The following DYNC2H1 variants were observed in gnomAD, a reference collection of about 807,000 sequenced individuals.
The protein encoded by DYNC2H1 is cytoplasmic dynein 2 heavy chain 1.
A neutral mutation model predicts 570.0 loss-of-function variants in DYNC2H1; 410 were observed. That is an observed-to-expected ratio of 0.72 (90% CI 0.66 to 0.78). The LOEUF (loss-of-function observed/expected upper bound fraction) is 0.78, where lower values mean the gene tolerates loss of function less well. Among genes scored for constraint, DYNC2H1 ranks in the 30% least tolerant of loss-of-function variants. The pLI is 0.00. For synonymous variants in DYNC2H1, 1,688 were observed against 1,677.6 expected (o/e 1.01, Z -0.15); for missense variants, 4,865 against 5,046.4 (o/e 0.96, Z 1.09).
rs569408386 is a variant in DYNC2H1, at chr11:103,353,297, A to AT, written c.12040-4938dup. ...TCTGCACATGTATCCCGAAACTTAA[A>AT]TTTTTTTTACAAAAAATGATTGTCT... On this transcript the variant is annotated intron_variant, in intron 82 of 88. Transcript: ENST00000375735. 1.2e-4 allele frequency among the ~76,000 whole-genome samples: 19 copies of AT among 152,160 alleles called. No individual in the cohort carries two copies. In the East Asian group the frequency reaches 3.5e-3, roughly 28 times the overall value.
At chr11:103,396,894 G>A (rs1412448745) in intron 83 of DYNC2H1, among the ~76,000 whole-genome samples, 24 of 152,118 alleles carry the variant, frequency 1.6e-4, no homozygotes, top group Admixed American at 1.6e-3. Context: ...AATACCACAT[G>A]TTCTGACTTA....
At chr11:103,364,521 G>C (rs989071142) in intron 83 of DYNC2H1, among the ~76,000 whole-genome samples, 2 of 150,440 alleles carry the variant, frequency 1.3e-5, no homozygotes, top group Non-Finnish European at 3.0e-5. Flanking sequence ...ACTGGTTCTT[G>C]GTATAATGAA....
At chr11:103,206,971 G>T (rs1862951820) in intron 52 of DYNC2H1, among the ~76,000 whole-genome samples, 1 of 152,040 alleles carries the variant, frequency 6.6e-6, no homozygotes, top group East Asian at 1.9e-4. Context: ...GCCCAGGCTG[G>T]AGTGTGGTTG....
chr11:103,251,214 A>C (rs1030407320), intron 65 of DYNC2H1, among the ~76,000 whole-genome samples: 1 of 152,100 alleles, frequency 6.6e-6, no homozygotes, highest in African/African-American at 2.4e-5. Context: ...TTAGATGCAT[A>C]CATTTTTGGA....
At chr11:103,156,982 C>G (rs899941400) in intron 26 of DYNC2H1, among the ~76,000 whole-genome samples, 5 of 152,190 alleles carry the variant, frequency 3.3e-5, no homozygotes, top group Admixed American at 3.3e-4. Context: ...TATTACCACT[C>G]TACCTAATAA....
At chr11:103,373,968 A>T (rs1281291983) in intron 83 of DYNC2H1, among the ~76,000 whole-genome samples, 2 of 152,138 alleles carry the variant, frequency 1.3e-5, no homozygotes, top group Non-Finnish European at 2.9e-5. Context: ...ATTATTTGTG[A>T]CTAAAAATCT....
At position 103,154,508 on chromosome 11, in the gene DYNC2H1, C is replaced by T. The variant is rs769399241; in HGVS notation, c.3360C>T (p.Ile1120=). 5 of 1,573,878 alleles carry T rather than the reference C, an allele frequency of 3.2e-6. No homozygotes were observed. The Admixed American group carries it at 7.5e-5, about 24-fold the overall frequency. ...EEPNFSLASS[I]SKDIESCAQI... Reference sequence around the variant, plus strand: ...CTAATTTCTCCCTGGCAAGTAGTATCTCTAAAGATATCGAGAGCTGTGCCC... The same window carrying T: ...CTAATTTCTCCCTGGCAAGTAGTATTTCTAAAGATATCGAGAGCTGTGCCC... Residue 1120 remains isoleucine, a synonymous_variant, in exon 23 of 89, where the codon ATC becomes ATT. Transcript: ENST00000375735.
rs1019094221 is a variant in DYNC2H1 at position 103,461,738 on chromosome 11, T to A, written c.12648+5382T>A. Reference sequence around the variant, plus strand: ...TTTGGTCTTCAAGGTTTTTTTTTTTTAATAATGTTTAATACTTTCTATTAT... The same window carrying A: ...TTTGGTCTTCAAGGTTTTTTTTTTTAAATAATGTTTAATACTTTCTATTAT... On this transcript the variant is annotated intron_variant, in intron 87 of 88. Transcript: ENST00000375735. This position sits in a 1 kb window ranked among gnomAD's most constrained non-coding sequence, Gnocchi z 4.8. Among the ~76,000 whole-genome samples the A allele has an allele frequency of 6.2e-5, 9 of 144,370 alleles. No individual in the cohort carries two copies. The highest frequency in any genetic ancestry group is 1.6e-4 in the African/African-American group (6 of 38,360). 94.7% of individuals were successfully genotyped at this position (144,370 alleles called of 152,430 possible).
At chr11:103,468,434 T>C (rs1945266607) in intron 87 of DYNC2H1, 155 bp from the exon 88 acceptor site, 2 of 556,506 alleles carry the variant, frequency 3.6e-6, no homozygotes, top group Non-Finnish European at 6.4e-6. Flanking sequence ...GTCCAGGCCT[T>C]ACTGACTTTA....
rs750027007 is a variant in DYNC2H1, at chr11:103,358,325, C to G, written c.12122C>G (p.Ser4041Cys). ...AGAGAAATCTGGTCTAATGAACTTTCTCCTGTCCTCAATCTCTGGAAGAAA... is the reference window on the plus strand; with the variant it reads ...AGAGAAATCTGGTCTAATGAACTTTGTCCTGTCCTCAATCTCTGGAAGAAA... Reference protein sequence around the residue: ...FDREIWSNELSPVLNLWKKLN... With the variant: ...FDREIWSNELCPVLNLWKKLN... Residue 4041 changes from serine to cysteine, a missense_variant, in exon 83 of 89, where the codon TCT becomes TGT. Physicochemically the swap from Ser to Cys is moderately radical, Grantham distance 112 (BLOSUM62 -1). Coordinates refer to ENST00000375735, the MANE Select transcript of DYNC2H1 (RefSeq NM_001377.3). The G allele has an allele frequency of 1.9e-6, 3 of 1,583,852 alleles. No homozygotes were observed. Among genetic ancestry groups the G allele is most frequent in the African/African-American group, 2.7e-5 (2 of 74,374 alleles).
chr11:103,200,291 A>G (rs532247713), intron 50 of DYNC2H1, 137 bp downstream of exon 50: 186 of 608,814 alleles, frequency 3.1e-4, no homozygotes, highest in Middle Eastern at 1.7e-3. Context: ...GGTGTTAAAC[A>G]TGCTCATGGC....
In DYNC2H1 at chr11:103,122,962, T is replaced by C; in HGVS notation, c.1623T>C (p.Asp541=). The stretch of plus-strand genomic sequence containing the variant: ...AACAATTTGATGATTGGTCCAGGGA[T>C]ATTCAATCAGGTTTATCTGATTCCA... ...EQEQFDDWSR[D]IQSGLSDSRS... The change falls in exon 11 of 89, where the codon GAT becomes GAC. Residue 541 remains aspartate (D), a synonymous_variant. Transcript: ENST00000375735. 4 of 1,586,514 alleles carry C rather than the reference T, an allele frequency of 2.5e-6. No individual in the cohort carries two copies. The highest frequency in any genetic ancestry group is 3.4e-6 in the Non-Finnish European group (4 of 1,162,794).
In DYNC2H1 at chr11:103,277,985, A is replaced by G. The variant is rs1161681903; in HGVS notation, c.10696-2363A>G. On this transcript the variant is annotated intron_variant, in intron 70 of 88. Transcript: ENST00000375735. The surrounding 1 kb of genome is among the most constrained non-coding windows in gnomAD (Gnocchi z 4.3). ...AATCTCATTGTTAATATTTCTCCTT[A>G]TGTTGGCTCTGGTAGGTTGTGCCCT... Among the ~76,000 whole-genome samples, 1 of 152,116 alleles carries G rather than the reference A, an allele frequency of 6.6e-6. No homozygotes were observed. The highest frequency in any genetic ancestry group is 1.5e-5 in the Non-Finnish European group (1 of 68,032).
chr11:103,443,199 T>A (rs1341662281), intron 85 of DYNC2H1, among the ~76,000 whole-genome samples: 1 of 152,028 alleles, frequency 6.6e-6, no homozygotes, highest in Non-Finnish European at 1.5e-5. Flanking sequence ...ATTGTGTACT[T>A]GTGATTCCTA....
At chr11:103,364,157 C>G (rs1457581893) in intron 83 of DYNC2H1, among the ~76,000 whole-genome samples, 1 of 152,124 alleles carries the variant, frequency 6.6e-6, no homozygotes, top group East Asian at 1.9e-4. Context: ...TGTAAAGAAT[C>G]TAATGCAGTA....
chr11:103,223,550 G>A (rs1007663241), intron 59 of DYNC2H1, among the ~76,000 whole-genome samples: 11 of 125,260 alleles, frequency 8.8e-5, no homozygotes, highest in Non-Finnish European at 1.8e-4. Context: ...ACCACGCCCG[G>A]TTAATTTTGT....
chr11:103,393,729 C>T (rs532329000), intron 83 of DYNC2H1, among the ~76,000 whole-genome samples: 53 of 152,158 alleles, frequency 3.5e-4, no homozygotes, highest in African/African-American at 1.2e-3. Flanking sequence ...AATGACACAC[C>T]GGGACTGGGC....
At chr11:103,336,190 G>C (rs545317200) in intron 82 of DYNC2H1, among the ~76,000 whole-genome samples, 2 of 152,226 alleles carry the variant, frequency 1.3e-5, no homozygotes, top group South Asian at 2.1e-4. Flanking sequence ...CATATTTATA[G>C]GGTACATATA....
rs745780881 is a variant in DYNC2H1, at chr11:103,145,899, C to T, written c.2703-1873C>T. 3.3e-5 allele frequency among the ~76,000 whole-genome samples: 5 copies of T among 152,112 alleles called. No homozygotes were observed. In the East Asian group the frequency reaches 5.8e-4, roughly 18 times the overall value. ...AATGTTAGCCTTGTCCACAGCACTC[C>T]GTAGTTAGTGAGTAAAACTTCTTTG... On this transcript the variant is annotated intron_variant, in intron 18 of 88. Coordinates refer to ENST00000375735, the MANE Select transcript of DYNC2H1 (RefSeq NM_001377.3). This position sits in a 1 kb window ranked among gnomAD's most constrained non-coding sequence, Gnocchi z 4.2.
Sources: allele counts gnomAD v4.1 joint callset (sites outside exome capture counted in the v4.1 genomes callset), GRCh38; gene constraint gnomAD v4.1.1; non-coding constraint Gnocchi (gnomAD v3.1); transcripts MANE v1.5; gene names NCBI Gene and HGNC (gene_info 2026-07-23, HGNC 2026-07-21).